DENND1A: variants seen among roughly 807,000 people sequenced by gnomAD.
DENND1A encodes the protein DENN domain-containing protein 1A.
DENND1A carries 51 observed loss-of-function variants against 113.7 expected under a neutral mutation model. The ratio of observed to expected loss-of-function variants is 0.45; its 90% CI spans 0.36 to 0.57. The LOEUF is 0.57. Among genes scored for constraint, DENND1A ranks in the 20% least tolerant of loss-of-function variants. DENND1A has a pLI of 0.00. For synonymous variants in DENND1A, 565 were observed against 570.8 expected (o/e 0.99, Z 0.14); for missense variants, 1,258 against 1,395.9 (o/e 0.90, Z 1.57).
intron 13 of DENND1A, among the ~76,000 whole-genome samples, chr9:123,554,992 A>G (rs1261032839): frequency 6.6e-6 from 1 of 152,214 alleles, no homozygotes; most frequent in African/African-American, 2.4e-5. Context: ...AGTATACTCC[A>G]GTGTTTTACC....
intron 1 of DENND1A, among the ~76,000 whole-genome samples, chr9:123,895,518 AG>A (rs1287409337): frequency 6.6e-6 from 1 of 151,870 alleles, no homozygotes; most frequent in African/African-American, 2.4e-5. Context: ...GCTACTTGGG[AG>A]GCTGAGGTAG....
At chr9:123,461,100 C>T (rs1005647253) in intron 13 of DENND1A, among the ~76,000 whole-genome samples, 1 of 152,218 alleles carries the variant, frequency 6.6e-6, no homozygotes, top group Non-Finnish European at 1.5e-5. Context: ...ATGCTCCAAA[C>T]GCATCCCATG....
intron 2 of DENND1A, among the ~76,000 whole-genome samples, chr9:123,829,138 A>G (rs1193036851): frequency 1.3e-5 from 2 of 152,198 alleles, no homozygotes; most frequent in Admixed American, 1.3e-4. Context: ...CTAATTTCAC[A>G]TATAAATGAG....
chr9:123,535,299 A>T (rs10986040), intron 13 of DENND1A, among the ~76,000 whole-genome samples: 1 of 152,082 alleles, frequency 6.6e-6, no homozygotes, highest in Non-Finnish European at 1.5e-5. Flanking sequence ...AGACTCTCAC[A>T]GCTGGGCATG....
chr9:123,902,166 CACACACAT>C (rs1293991044), intron 1 of DENND1A, among the ~76,000 whole-genome samples: 244 of 125,208 alleles, frequency 1.9e-3, no homozygotes, highest in Middle Eastern at 0.019. Context: ...ATGGGTCACA[CACACACAT>C]ACACACACAC....
intron 1 of DENND1A, among the ~76,000 whole-genome samples, chr9:123,925,518 G>C (rs1856950540): frequency 6.6e-6 from 1 of 152,140 alleles, no homozygotes. Context: ...AGGGAGTCTG[G>C]AAGGGATTGT....
chr9:123,385,135 G>C (rs1296782674), intron 22 of DENND1A, among the ~76,000 whole-genome samples: 1 of 152,118 alleles, frequency 6.6e-6, no homozygotes. Context: ...ACCTCTAGTG[G>C]AGCCCCAGTG....
chr9:123,688,044 T>C (rs1339775869), intron 5 of DENND1A, among the ~76,000 whole-genome samples: 1 of 152,218 alleles, frequency 6.6e-6, no homozygotes, highest in Non-Finnish European at 1.5e-5. Flanking sequence ...AATATTTTAA[T>C]AGTAGTGGAG....
At chr9:123,462,567 T>G in intron 13 of DENND1A, among the ~76,000 whole-genome samples, 1 of 152,028 alleles carries the variant, frequency 6.6e-6, no homozygotes, top group East Asian at 1.9e-4. Context: ...GAGGCTGAGG[T>G]GGGCGGATCA....
chr9:123,735,925 G>C (rs1322593826), intron 5 of DENND1A, among the ~76,000 whole-genome samples: 1 of 152,102 alleles, frequency 6.6e-6, no homozygotes, highest in African/African-American at 2.4e-5. Flanking sequence ...CTTGAACCTG[G>C]GAGGCAGAGG....
chr9:123,402,349 C>A (rs1322114886), intron 21 of DENND1A, among the ~76,000 whole-genome samples: 1 of 152,248 alleles, frequency 6.6e-6, no homozygotes, highest in Non-Finnish European at 1.5e-5. Context: ...CGTACCCTCG[C>A]TATCAACCAG....
intron 13 of DENND1A, among the ~76,000 whole-genome samples, chr9:123,550,814 C>T (rs1039078373): frequency 1.3e-5 from 2 of 152,326 alleles, no homozygotes; most frequent in Admixed American, 6.5e-5. Context: ...CATACTGCTA[C>T]ACATATCCTC....
intron 3 of DENND1A, 109 bp from the exon 4 acceptor site, chr9:123,769,672 G>A (rs1590012159): frequency 2.5e-6 from 2 of 809,780 alleles, no homozygotes; most frequent in South Asian, 4.6e-5. Context: ...GGAGACAGAT[G>A]AAGAAATATG....
At chr9:123,803,256 G>T (rs563253476) in intron 2 of DENND1A, among the ~76,000 whole-genome samples, 268 of 152,200 alleles carry the variant, frequency 1.8e-3, no homozygotes, top group African/African-American at 6.2e-3. Flanking sequence ...GTATGTGGCT[G>T]GACAAAAACA....
intron 5 of DENND1A, among the ~76,000 whole-genome samples, chr9:123,686,172 T>C (rs904328132): frequency 9.2e-5 from 14 of 152,206 alleles, no homozygotes; most frequent in Non-Finnish European, 1.6e-4. Flanking sequence ...TATCAAGTGT[T>C]AGGTGCTTTG....
chr9:123,916,536 C>T (rs1008675641), intron 1 of DENND1A, among the ~76,000 whole-genome samples: 5 of 151,992 alleles, frequency 3.3e-5, no homozygotes, highest in Admixed American at 2.0e-4. Context: ...CCACGCCCAG[C>T]TTATTTTTGT....
chr9:123,499,975 C>A (rs1046152276), intron 13 of DENND1A, among the ~76,000 whole-genome samples: 3 of 152,194 alleles, frequency 2.0e-5, no homozygotes, highest in Non-Finnish European at 4.4e-5. Context: ...AGCATGGGCT[C>A]CCTTCACACT....
chr9:123,396,147 G>A (rs1293935029), intron 21 of DENND1A, among the ~76,000 whole-genome samples: 1 of 152,110 alleles, frequency 6.6e-6, no homozygotes, highest in Non-Finnish European at 1.5e-5. Context: ...AGGCCAGGAG[G>A]GAGGCCACGC....
At chr9:123,548,357 T>C (rs895033811) in intron 13 of DENND1A, among the ~76,000 whole-genome samples, 24 of 152,234 alleles carry the variant, frequency 1.6e-4, no homozygotes, top group Admixed American at 2.6e-4. Flanking sequence ...TTGGCTATAA[T>C]TCCTTATCCA....
Sources: gnomAD v4.1 joint callset for allele counts (sites outside exome capture counted in the v4.1 genomes callset) on GRCh38, gnomAD v4.1.1 for gene constraint, MANE v1.5 for transcripts, NCBI Gene and HGNC (gene_info 2026-07-23, HGNC 2026-07-21) for gene names.